GRIN2B: variants seen among roughly 807,000 people sequenced by gnomAD.
The protein encoded by GRIN2B is glutamate ionotropic receptor NMDA type subunit 2B.
In GRIN2B, 5 loss-of-function variants were observed where a neutral mutation model predicts 114.5. That is an observed-to-expected ratio of 0.04 (90% confidence interval 0.02 to 0.09). The LOEUF (loss-of-function observed/expected upper bound fraction) is 0.09, where lower values mean the gene tolerates loss of function less well. Among genes scored for constraint, GRIN2B ranks in the 10% least tolerant of loss-of-function variants. The pLI is 1.00. For missense variants in GRIN2B, 1,108 were observed against 1,943.5 expected, an observed-to-expected ratio of 0.57 and a Z score of 8.08; for synonymous variants, 787 against 745.1, an observed-to-expected ratio of 1.06 and a Z score of -0.92.
At position 13,552,259 on chromosome 12, in the gene GRIN2B, G is replaced by T. The variant is rs761756320; in HGVS notation, c.*10524C>A. The T allele has an allele frequency of 6.6e-6, 1 of 152,150 alleles. No individual in the cohort carries two copies. Among genetic ancestry groups the T allele is most frequent in the Non-Finnish European group, 1.5e-5 (1 of 68,036 alleles). 9.4% of individuals were successfully genotyped at this position (152,150 alleles called of 1,614,324 possible). On this transcript the variant is annotated 3_prime_UTR_variant, in exon 14 of 14. Coordinates refer to ENST00000609686, the MANE Select transcript of GRIN2B (RefSeq NM_000834.5). ...CTGGGCAGGAATGACATGGGGCCAG[G>T]TTCCTTGTGGATATCAGGACCTCAC...
At chr12:13,921,232 A>G (rs1208389873) in intron 2 of GRIN2B, among the ~76,000 whole-genome samples, 2 of 152,046 alleles carry the variant, frequency 1.3e-5, no homozygotes, top group Admixed American at 6.6e-5. Flanking sequence ...CCCCATCTCT[A>G]CTAAAAATAC....
At chr12:13,578,702 A>T (rs1470181857) in intron 10 of GRIN2B, among the ~76,000 whole-genome samples, 2 of 152,212 alleles carry the variant, frequency 1.3e-5, no homozygotes, top group Non-Finnish European at 2.9e-5. Context: ...GCAATAGGTG[A>T]CGGAAACACA....
chr12:13,711,248 C>T (rs1013067762), intron 4 of GRIN2B, among the ~76,000 whole-genome samples: 3 of 151,568 alleles, frequency 2.0e-5, no homozygotes, highest in African/African-American at 4.8e-5. Flanking sequence ...TAAAGACTTA[C>T]ATGTTAGACC....
intron 5 of GRIN2B, among the ~76,000 whole-genome samples, chr12:13,643,848 A>G (rs1949740630): frequency 6.6e-6 from 1 of 152,112 alleles, no homozygotes; most frequent in Admixed American, 6.6e-5. Context: ...CATTTCCTCA[A>G]GTTTTATCAT....
At chr12:13,734,036 T>G (rs1349361880) in intron 4 of GRIN2B, among the ~76,000 whole-genome samples, 2 of 152,176 alleles carry the variant, frequency 1.3e-5, no homozygotes, top group Non-Finnish European at 2.9e-5. Context: ...AAGAGAAGGG[T>G]CTGCCTAGAG....
intron 4 of GRIN2B, among the ~76,000 whole-genome samples, chr12:13,711,995 T>C (rs552245320): frequency 6.6e-6 from 1 of 152,196 alleles, no homozygotes; most frequent in East Asian, 1.9e-4. Flanking sequence ...CCAACAGTGA[T>C]AGACTGGATT....
chr12:13,941,034 T>C (rs1565594408), intron 2 of GRIN2B, among the ~76,000 whole-genome samples: 1 of 151,088 alleles, frequency 6.6e-6, no homozygotes, highest in Non-Finnish European at 1.5e-5. Flanking sequence ...AGTGCCCCAC[T>C]AGCTTCCCCA....
At chr12:13,873,578 A>G (rs1865946539) in intron 2 of GRIN2B, among the ~76,000 whole-genome samples, 1 of 152,114 alleles carries the variant, frequency 6.6e-6, no homozygotes, top group Non-Finnish European at 1.5e-5. Context: ...TATTACCATC[A>G]TCCGTTACTC....
intron 2 of GRIN2B, among the ~76,000 whole-genome samples, chr12:13,926,803 A>C (rs984854180): frequency 6.6e-6 from 1 of 152,254 alleles, no homozygotes; most frequent in Middle Eastern, 3.4e-3. Context: ...AATACAAAAA[A>C]TTAGCCGGGT....
At chr12:13,735,214 A>G (rs148629296) in intron 4 of GRIN2B, among the ~76,000 whole-genome samples, 1 of 152,378 alleles carries the variant, frequency 6.6e-6, no homozygotes, top group Non-Finnish European at 1.5e-5. Context: ...ACATGGTTAC[A>G]ACTTCTTTCT....
intron 2 of GRIN2B, among the ~76,000 whole-genome samples, chr12:13,892,280 A>T (rs1420339542): frequency 6.6e-6 from 1 of 152,220 alleles, no homozygotes; most frequent in Non-Finnish European, 1.5e-5. Flanking sequence ...GAAGAAAAAA[A>T]CCAGAAGTCC....
chr12:13,820,039 A>T (rs1174939814), intron 3 of GRIN2B, among the ~76,000 whole-genome samples: 1 of 152,160 alleles, frequency 6.6e-6, no homozygotes. Context: ...AAGTGTAGAC[A>T]AAACCTCTCC....
intron 4 of GRIN2B, among the ~76,000 whole-genome samples, chr12:13,721,571 G>A (rs893422050): frequency 6.6e-6 from 1 of 151,956 alleles, no homozygotes; most frequent in East Asian, 1.9e-4. Context: ...ACTGAGTTGG[G>A]GAAGACTAGA....
At chr12:13,886,584 T>C (rs1312539132) in intron 2 of GRIN2B, among the ~76,000 whole-genome samples, 1 of 152,004 alleles carries the variant, frequency 6.6e-6, no homozygotes, top group Non-Finnish European at 1.5e-5. Context: ...AATGGCACCA[T>C]CTGAGAAGCA....
intron 2 of GRIN2B, among the ~76,000 whole-genome samples, chr12:13,883,651 C>T (rs1866102396): frequency 6.6e-6 from 1 of 150,966 alleles, no homozygotes; most frequent in Admixed American, 6.6e-5. Flanking sequence ...AGTTTTCTTG[C>T]TATTGAGTTG....
chr12:13,587,384 G>T (rs1355278111), intron 10 of GRIN2B, among the ~76,000 whole-genome samples: 2 of 149,846 alleles, frequency 1.3e-5, no homozygotes, highest in East Asian at 3.9e-4. Flanking sequence ...TTGAGATAGG[G>T]TCTTGCTCTG....
intron 2 of GRIN2B, among the ~76,000 whole-genome samples, chr12:13,905,707 C>T (rs36072596): frequency 0.27 from 41,591 of 152,052 alleles, 6,329 homozygotes; most frequent in Middle Eastern, 0.34. Context: ...CGAGAACCAT[C>T]TCAAACTAAA....
Position 13,560,223 on chromosome 12 carries a change from G to C in GRIN2B, c.*2560C>G, listed in dbSNP as rs545387149. ...ACCATAGTGGCCTCCATGAGCATTC[G>C]CTTTTTCCAGACACCCTGAAGCAAA... is the stretch of plus-strand genomic sequence containing the variant. On this transcript the variant is annotated 3_prime_UTR_variant, in exon 14 of 14. Coordinates refer to ENST00000609686, the MANE Select transcript of GRIN2B (RefSeq NM_000834.5). 6.6e-6 allele frequency: 1 copy of C among 152,092 alleles called. No individual in the cohort carries two copies. The highest frequency in any genetic ancestry group is 1.9e-4 in the East Asian group (1 of 5,150). 9.4% of individuals were successfully genotyped at this position (152,092 alleles called of 1,614,324 possible). A position where few individuals can be genotyped will look rare whatever the true frequency, so the allele number is the denominator to read the frequency against.
At chr12:13,748,655 TAA>T (rs946110153) in intron 4 of GRIN2B, among the ~76,000 whole-genome samples, 1 of 152,210 alleles carries the variant, frequency 6.6e-6, no homozygotes, top group Non-Finnish European at 1.5e-5. Context: ...TTCAATCAAA[TAA>T]AGTTATCAGT....
Sources: allele counts gnomAD v4.1 joint callset (sites outside exome capture counted in the v4.1 genomes callset), GRCh38; gene constraint gnomAD v4.1.1; transcripts MANE v1.5; gene names NCBI Gene and HGNC (gene_info 2026-07-23, HGNC 2026-07-21).